The following MCTP2 variants were observed in gnomAD, a reference collection of about 807,000 sequenced individuals.
MCTP2 encodes the protein multiple C2 and transmembrane domain-containing protein 2.
Under a neutral mutation model 111.6 loss-of-function variants are expected in MCTP2, and 132 were observed. The observed-to-expected ratio is 1.18, with a 90% CI of 1.03 to 1.37. MCTP2 has a LOEUF of 1.37. Among genes scored for constraint, MCTP2 ranks in the 40% most tolerant of loss-of-function variants. The pLI, the probability that MCTP2 is intolerant of heterozygous loss-of-function variation, is 0.00. For missense variants in MCTP2, 1,183 were observed against 1,067.9 expected (o/e 1.11, Z -1.50); for synonymous variants, 395 against 387.7 (o/e 1.02, Z -0.22).
intron 4 of MCTP2, among the ~76,000 whole-genome samples, chr15:94,327,341 A>G (rs933138715): frequency 6.6e-6 from 1 of 152,208 alleles, no homozygotes; most frequent in African/African-American, 2.4e-5. Flanking sequence ...TCTTTTCGTA[A>G]TGATGTGACG....
At chr15:94,237,090 G>A (rs188165698) in intron 1 of MCTP2, among the ~76,000 whole-genome samples, 44 of 152,274 alleles carry the variant, frequency 2.9e-4, no homozygotes, top group African/African-American at 1.1e-3. Context: ...CACTGAGTCT[G>A]AGATGTTTGG....
At chr15:94,340,364 C>T (rs1314046132) in intron 6 of MCTP2, 89 bp downstream of exon 6, 5 of 916,024 alleles carry the variant, frequency 5.5e-6, no homozygotes, top group Non-Finnish European at 8.9e-6. Flanking sequence ...GGTCAAATGA[C>T]AAAAATAACA....
chr15:94,433,913 T>C (rs1183307992), intron 17 of MCTP2, among the ~76,000 whole-genome samples: 1 of 152,196 alleles, frequency 6.6e-6, no homozygotes. Flanking sequence ...GTTTGAAGGA[T>C]TTGGTCAAAT....
chr15:94,392,534 G>A (rs1328750025), intron 14 of MCTP2, among the ~76,000 whole-genome samples: 1 of 152,018 alleles, frequency 6.6e-6, no homozygotes, highest in African/African-American at 2.4e-5. Flanking sequence ...TCAGAAACAG[G>A]CTGGGTGTGG....
rs1413153143 is a variant in MCTP2 at position 94,482,227 on chromosome 15, A to G, written c.*3193A>G. The G allele has an allele frequency of 6.6e-6, 1 of 152,226 alleles. No individual in the cohort carries two copies. The highest frequency in any genetic ancestry group is 1.5e-5 in the Non-Finnish European group (1 of 68,038). 9.4% of individuals were successfully genotyped at this position (152,226 alleles called of 1,614,324 possible). A position where few individuals can be genotyped will look rare whatever the true frequency, so the allele number is the denominator to read the frequency against. On this transcript the variant is annotated 3_prime_UTR_variant, in exon 23 of 23. Coordinates refer to ENST00000357742, the MANE Select transcript of MCTP2 (RefSeq NM_001385001.1). ...ATGCCATGCTCAGATTTAAGTTTGA[A>G]AAATATTCTAGCTGCAATGGATAGC...
At chr15:94,242,946 G>T (rs77579252) in intron 1 of MCTP2, among the ~76,000 whole-genome samples, 1,215 of 86,062 alleles carry the variant, frequency 0.014, 31 homozygotes, top group Middle Eastern at 0.019. Context: ...TGTATATGTA[G>T]ATACACATAT....
intron 2 of MCTP2, among the ~76,000 whole-genome samples, chr15:94,307,007 T>C (rs933988170): frequency 6.6e-6 from 1 of 152,028 alleles, no homozygotes; most frequent in African/African-American, 2.4e-5. Flanking sequence ...CGTACCTCAA[T>C]ATGTGATGGT....
At chr15:94,384,272 A>G (rs1596536537) in intron 13 of MCTP2, 148 bp downstream of exon 13, 1 of 599,328 alleles carries the variant, frequency 1.7e-6, no homozygotes, top group Non-Finnish European at 2.9e-6. Context: ...TCATTTTTAT[A>G]GAGTGTGGTG....
rs1168909587 is a variant in MCTP2, at chr15:94,390,090, G to GTA, written c.1788+4587_1788+4588dup. On this transcript the variant is annotated intron_variant, in intron 14 of 22. Coordinates refer to ENST00000357742, the MANE Select transcript of MCTP2 (RefSeq NM_001385001.1). ...TATATATATATATATATATATATAT[G>GTA]TATATATATATATATATATATATGT... Among the ~76,000 whole-genome samples, 97 of 64,866 alleles carry GTA rather than the reference G, an allele frequency of 1.5e-3. 2 individuals are homozygous for GTA. Among genetic ancestry groups the GTA allele is most frequent in the South Asian group, 5.6e-3 (10 of 1,798 alleles). 42.6% of individuals were successfully genotyped at this position (64,866 alleles called of 152,430 possible). A position where few individuals can be genotyped will look rare whatever the true frequency, so the allele number is the denominator to read the frequency against.
rs375645248 is a variant in MCTP2, at chr15:94,340,824, A to G, written c.869A>G (p.His290Arg). The change falls in exon 7 of 23, where the codon CAT becomes CGT. Residue 290 changes from histidine (H) to arginine (R), a missense_variant. Coordinates refer to ENST00000357742, the MANE Select transcript of MCTP2 (RefSeq NM_001385001.1). ...CTTTTTGCTTGTAGAACAACTGAAC[A>G]TATTTTAAAACTGGAAGATCCAAAC... ...SDLELNRTTE[H>R]ILKLEDPNSL... The G allele has an allele frequency of 1.1e-5, 17 of 1,609,204 alleles. No homozygotes were observed. Among genetic ancestry groups the G allele is most frequent in the Admixed American group, 1.7e-5 (1 of 59,768 alleles).
chr15:94,409,859 C>T lies in MCTP2; in HGVS notation c.2085+7840C>T, dbSNP rs1010221678. ...CAACCCTCCTCCCCTATTTTCCACT[C>T]ACCCTTCCTTTCCCCCTCCCTTTCC... On this transcript the variant is annotated intron_variant, in intron 17 of 22. Transcript: ENST00000357742. Among the ~76,000 whole-genome samples, 8 of 151,236 alleles carry T rather than the reference C, an allele frequency of 5.3e-5. No individual in the cohort carries two copies. The South Asian group carries it at 8.4e-4, about 16-fold the overall frequency.
chr15:94,243,733 G>GTATACACATGCATATGTGTA (rs1567253762), intron 1 of MCTP2, among the ~76,000 whole-genome samples: 27 of 140,768 alleles, frequency 1.9e-4, no homozygotes, highest in African/African-American at 7.6e-4. Context: ...ATACATATGT[G>GTATACACATGCATATGTGTA]TATACATATA....
chr15:94,312,735 G>A (rs1428534481), intron 2 of MCTP2, among the ~76,000 whole-genome samples: 4 of 152,274 alleles, frequency 2.6e-5, no homozygotes, highest in Non-Finnish European at 5.9e-5. Context: ...ATTCCTTCTT[G>A]TACTCAGGGC....
rs2080849005 is a variant in MCTP2, at chr15:94,390,102, A to ATATATGCATATG, written c.1788+4582_1788+4583insGCATATGTATAT. On this transcript the variant is annotated intron_variant, in intron 14 of 22. Transcript: ENST00000357742. ...TATATATATATATGTATATATATAT[A>ATATATGCATATG]TATATATATATGTATATATATATAT... Among the ~76,000 whole-genome samples, 11 of 39,198 alleles carry ATATATGCATATG rather than the reference A, an allele frequency of 2.8e-4. 1 individual carries two copies. Among genetic ancestry groups the ATATATGCATATG allele is most frequent in the African/African-American group, 6.6e-4 (11 of 16,728 alleles). 25.7% of individuals were successfully genotyped at this position (39,198 alleles called of 152,430 possible).
At chr15:94,430,234 T>C (rs1395429924) in intron 17 of MCTP2, among the ~76,000 whole-genome samples, 1 of 152,126 alleles carries the variant, frequency 6.6e-6, no homozygotes, top group Non-Finnish European at 1.5e-5. Flanking sequence ...TCCCTTAGAA[T>C]AAAAGGCAAG....
intron 20 of MCTP2, among the ~76,000 whole-genome samples, chr15:94,467,525 TGGGGTTG>T (rs1031834062): frequency 6.6e-6 from 1 of 152,102 alleles, no homozygotes; most frequent in African/African-American, 2.4e-5. Flanking sequence ...GCCCGCGGGT[TGGGGTTG>T]GGGGTTGTGT....
At chr15:94,265,162 A>G (rs1048408043) in intron 1 of MCTP2, among the ~76,000 whole-genome samples, 3 of 152,220 alleles carry the variant, frequency 2.0e-5, no homozygotes, top group African/African-American at 7.2e-5. Context: ...CCTATGAGGC[A>G]ATAACTCTGC....
chr15:94,474,045 C>G (rs1051528952), intron 21 of MCTP2, among the ~76,000 whole-genome samples: 4 of 152,070 alleles, frequency 2.6e-5, no homozygotes, highest in African/African-American at 9.7e-5. Context: ...ATGATAGCAT[C>G]TTTCCCAACA....
At chr15:94,374,333 A>G (rs1168411221) in intron 12 of MCTP2, among the ~76,000 whole-genome samples, 3 of 152,212 alleles carry the variant, frequency 2.0e-5, no homozygotes, top group Non-Finnish European at 4.4e-5. Context: ...TTACCCATTG[A>G]GAGAGATCAG....
Sources: gnomAD v4.1 joint callset for allele counts (sites outside exome capture counted in the v4.1 genomes callset) on GRCh38, gnomAD v4.1.1 for gene constraint, MANE v1.5 for transcripts, NCBI Gene and HGNC (gene_info 2026-07-23, HGNC 2026-07-21) for gene names.